The following FOCAD variants were observed in gnomAD, a reference collection of about 807,000 sequenced individuals.
FOCAD encodes the protein focadhesin.
Under a neutral mutation model 225.6 loss-of-function variants are expected in FOCAD, and 198 were observed. That is an observed-to-expected ratio of 0.88 (90% CI 0.78 to 0.99). FOCAD has a LOEUF of 0.99. Ranked by LOEUF, FOCAD falls within the 50% of genes least tolerant of loss-of-function variation. The pLI, the probability that FOCAD is intolerant of heterozygous loss-of-function variation, is 0.00. For synonymous variants in FOCAD, 897 were observed against 755.0 expected (o/e 1.19, Z -3.08); for missense variants, 2,713 against 2,123.6 (o/e 1.28, Z -5.46).
intron 15 of FOCAD, among the ~76,000 whole-genome samples, chr9:20,842,508 A>G (rs545780541): frequency 1.3e-5 from 2 of 151,806 alleles, no homozygotes; most frequent in African/African-American, 2.4e-5. Context: ...TATCCTTTTT[A>G]CAGACTTTGT....
intron 18 of FOCAD, among the ~76,000 whole-genome samples, chr9:20,873,561 C>T (rs1829981544): frequency 1.3e-5 from 2 of 152,158 alleles, no homozygotes; most frequent in Admixed American, 1.3e-4. Context: ...GTACTTAATA[C>T]TGAATCTGAA....
At chr9:20,849,150 T>G (rs149006891) in intron 15 of FOCAD, among the ~76,000 whole-genome samples, 272 of 152,072 alleles carry the variant, frequency 1.8e-3, no homozygotes, top group African/African-American at 6.2e-3. Flanking sequence ...TCACTTCTCT[T>G]GAGTGAAAAG....
At position 20,926,301 on chromosome 9, in the gene FOCAD, G is replaced by T. The variant is rs757590161; in HGVS notation, c.2962G>T (p.Val988Phe). ...TTTCATGTTTTTAATTCATCTGCAG[G>T]TTCAACCTAATTTCCTTTCAATGAA... ...LSSDSDGLLE[V>F]QPNFLSMKEW... Residue 988 changes from valine to phenylalanine, a missense_variant and splice_region_variant, in exon 26 of 44, where the codon GTT becomes TTT. Transcript: ENST00000338382. 6.3e-7 allele frequency: 1 copy of T among 1,575,196 alleles called. No individual in the cohort carries two copies. The highest frequency in any genetic ancestry group is 8.7e-7 in the Non-Finnish European group (1 of 1,145,482).
At chr9:20,769,648 A>G (rs1174455329) in intron 7 of FOCAD, among the ~76,000 whole-genome samples, 8 of 152,376 alleles carry the variant, frequency 5.3e-5, no homozygotes, top group East Asian at 3.9e-4. Context: ...ACTCTTTACT[A>G]TCAGGTATCT....
rs117676755 is a variant in FOCAD, at chr9:20,743,633, T to G, written c.392+3293T>G. Among the ~76,000 whole-genome samples, 122 of 152,296 alleles carry G rather than the reference T, an allele frequency of 8.0e-4. 1 individual carries two copies. In the East Asian group the frequency reaches 0.022, roughly 27 times the overall value. On this transcript the variant is annotated intron_variant, in intron 5 of 43. Coordinates refer to ENST00000338382, the MANE Select transcript of FOCAD (RefSeq NM_001375567.1). ...TAGTTAGTGGTTCTCAAACTTGTCT[T>G]GCATAAGAACCACTGGGGCAGCGTG...
At chr9:20,844,635 A>G (rs1383619151) in intron 15 of FOCAD, among the ~76,000 whole-genome samples, 2 of 152,042 alleles carry the variant, frequency 1.3e-5, no homozygotes, top group African/African-American at 4.8e-5. Flanking sequence ...TGCTGGGATT[A>G]CAGGTGTGAG....
intron 15 of FOCAD, among the ~76,000 whole-genome samples, chr9:20,847,409 C>T (rs1478766177): frequency 6.6e-6 from 1 of 151,132 alleles, no homozygotes; most frequent in African/African-American, 2.4e-5. Context: ...AGTCTAAATT[C>T]TTATAATGCT....
chr9:20,793,035 G>T (rs528889809), intron 11 of FOCAD, among the ~76,000 whole-genome samples: 12 of 152,254 alleles, frequency 7.9e-5, no homozygotes, highest in African/African-American at 2.6e-4. Context: ...ACTCTGTTCT[G>T]TTGTTACCGA....
chr9:20,886,465 A>AT (rs549377502), intron 21 of FOCAD, among the ~76,000 whole-genome samples: 229 of 152,304 alleles, frequency 1.5e-3, no homozygotes, highest in Non-Finnish European at 2.5e-3. Context: ...CTGATTTATA[A>AT]TAAAAAGTCA....
At chr9:20,683,767 G>C (rs1187273391), upstream of FOCAD, 1 of 152,248 alleles carries the variant, frequency 6.6e-6, no homozygotes, top group African/African-American at 2.4e-5. Flanking sequence ...GCTATTAGGC[G>C]AAGAACGAAG....
intron 35 of FOCAD, among the ~76,000 whole-genome samples, chr9:20,961,009 T>C (rs972517027): frequency 4.6e-5 from 7 of 152,118 alleles, no homozygotes; most frequent in Non-Finnish European, 1.0e-4. Flanking sequence ...GACATTTGGG[T>C]TGGTTCCAAG....
intron 21 of FOCAD, among the ~76,000 whole-genome samples, chr9:20,901,434 T>C (rs775072686): frequency 2.6e-5 from 4 of 151,914 alleles, no homozygotes; most frequent in Non-Finnish European, 2.9e-5. Context: ...CCCATTCTAG[T>C]TCGACAATCA....
chr9:20,736,563 G>A (rs1827167094), intron 4 of FOCAD, among the ~76,000 whole-genome samples: 1 of 152,166 alleles, frequency 6.6e-6, no homozygotes, highest in African/African-American at 2.4e-5. Context: ...GGATGAGTTT[G>A]TAGTTAGTTT....
intron 4 of FOCAD, among the ~76,000 whole-genome samples, chr9:20,720,873 C>T (rs1245022050): frequency 3.3e-5 from 5 of 152,168 alleles, no homozygotes; most frequent in Admixed American, 3.3e-4. Context: ...AATGCTTCTT[C>T]CACAGTGGTA....
chr9:20,740,112 G>A (rs985695735), intron 4 of FOCAD, 124 bp from the exon 5 acceptor site: 34 of 599,480 alleles, frequency 5.7e-5, no homozygotes, highest in Non-Finnish European at 9.0e-6. Context: ...TTGAGGGCCT[G>A]TGGGTGGCTA....
intron 28 of FOCAD, among the ~76,000 whole-genome samples, chr9:20,941,315 T>A (rs1836638987): frequency 6.6e-6 from 1 of 152,212 alleles, no homozygotes; most frequent in Non-Finnish European, 1.5e-5. Context: ...CAGCCGTAAC[T>A]GTAGTCATGC....
intron 28 of FOCAD, among the ~76,000 whole-genome samples, chr9:20,940,574 C>G (rs905421181): frequency 6.6e-6 from 1 of 152,188 alleles, no homozygotes; most frequent in Non-Finnish European, 1.5e-5. Flanking sequence ...ATGTGAGCCA[C>G]TGCACCCAGC....
intron 22 of FOCAD, among the ~76,000 whole-genome samples, chr9:20,910,461 C>T (rs891203658): frequency 1.2e-4 from 18 of 152,014 alleles, no homozygotes; most frequent in Admixed American, 3.3e-4. Flanking sequence ...TACTCTATGG[C>T]AATTTATACC....
intron 1 of FOCAD, among the ~76,000 whole-genome samples, chr9:20,705,363 G>A (rs1308527941): frequency 6.6e-6 from 1 of 152,042 alleles, no homozygotes; most frequent in East Asian, 1.9e-4. Context: ...CTTACACTGT[G>A]TATACTTTGT....
Sources: allele counts gnomAD v4.1 joint callset (sites outside exome capture counted in the v4.1 genomes callset), GRCh38; gene constraint gnomAD v4.1.1; transcripts MANE v1.5; gene names NCBI Gene and HGNC (gene_info 2026-07-23, HGNC 2026-07-21).